ARHGEF10: variants seen among roughly 807,000 people sequenced by gnomAD.
ARHGEF10 encodes Rho guanine nucleotide exchange factor (GEF) 10.
ARHGEF10 carries 140 observed loss-of-function variants against 147.4 expected under a neutral mutation model. That is an observed-to-expected ratio of 0.95 (90% CI 0.83 to 1.09). The LOEUF (loss-of-function observed/expected upper bound fraction) is 1.09, where lower values mean the gene tolerates loss of function less well. Ranked by LOEUF, ARHGEF10 falls within the 50% of genes least tolerant of loss-of-function variation. The pLI, the probability that ARHGEF10 is intolerant of heterozygous loss-of-function variation, is 0.00. For synonymous variants in ARHGEF10, 902 were observed against 695.8 expected, an observed-to-expected ratio of 1.30 and a Z score of -4.67; for missense variants, 2,222 against 1,752.7, an observed-to-expected ratio of 1.27 and a Z score of -4.78.
At chr8:1,906,369 A>G (rs1411855690) in intron 17 of ARHGEF10, among the ~76,000 whole-genome samples, 1 of 152,180 alleles carries the variant, frequency 6.6e-6, no homozygotes, top group African/African-American at 2.4e-5. Flanking sequence ...GAGTTTTGAG[A>G]TCCAGTTGCT....
intron 11 of ARHGEF10, among the ~76,000 whole-genome samples, chr8:1,890,837 G>T (rs531683215): frequency 1.3e-5 from 2 of 152,122 alleles, no homozygotes; most frequent in Non-Finnish European, 2.9e-5. Context: ...CCAAGGGCCT[G>T]TCTGTTGGGT....
At chr8:1,848,622 A>G (rs1330884083) in intron 2 of ARHGEF10, among the ~76,000 whole-genome samples, 1 of 152,244 alleles carries the variant, frequency 6.6e-6, no homozygotes, top group African/African-American at 2.4e-5. Context: ...TTTACAGTTT[A>G]TAATCTAAAT....
chr8:1,878,953 G>A lies in ARHGEF10; in HGVS notation c.844-1095G>A, dbSNP rs910977820. 7.2e-5 allele frequency among the ~76,000 whole-genome samples: 11 copies of A among 152,320 alleles called. No individual in the cohort carries two copies. The South Asian group carries it at 1.4e-3, about 20-fold the overall frequency. ...TGTTGCCAGGACAGTGGCCTGGACC[G>A]GGGGTGGGAATACTGTGTGGGGTGC... On this transcript the variant is annotated intron_variant, in intron 8 of 28. Transcript: ENST00000349830.
chr8:1,845,118 G>T (rs1219385962), intron 2 of ARHGEF10, among the ~76,000 whole-genome samples: 1 of 152,166 alleles, frequency 6.6e-6, no homozygotes, highest in East Asian at 1.9e-4. Context: ...CAGCCTGGGT[G>T]GTGGGACTGA....
rs1242697736 is a variant in ARHGEF10, at chr8:1,925,396, G to C, written c.2602G>C (p.Glu868Gln). 1.9e-6 allele frequency: 3 copies of C among 1,614,106 alleles called. No homozygotes were observed. The highest frequency in any genetic ancestry group is 2.7e-5 in the African/African-American group (2 of 75,050). The change falls in exon 22 of 29, where the codon GAG becomes CAG. Residue 868 changes from glutamate (E) to glutamine (Q), a missense_variant. Transcript: ENST00000349830. ...GCCCGTGATGGTGGCCAAGCAGCAG[G>C]AGTTCAAGGTGAAGGGAGGCAGGGC... ...HMPVMVAKQQ[E>Q]FKIECAAYNP...
chr8:1,888,145 T>TGAG (rs1808886265), intron 11 of ARHGEF10, among the ~76,000 whole-genome samples: 1 of 97,144 alleles, frequency 1.0e-5, no homozygotes, highest in African/African-American at 3.8e-5. Flanking sequence ...GAGGAGACAC[T>TGAG]TAGTGGGGCG....
intron 17 of ARHGEF10, 60 bp downstream of exon 17, chr8:1,905,776 G>T: frequency 6.3e-7 from 1 of 1,597,230 alleles, no homozygotes; most frequent in Non-Finnish European, 8.5e-7. Context: ...TTTGCCTAAG[G>T]GCACATGCAT....
At chr8:1,868,910 T>A (rs1224592601) in intron 6 of ARHGEF10, among the ~76,000 whole-genome samples, 1 of 152,194 alleles carries the variant, frequency 6.6e-6, no homozygotes, top group Non-Finnish European at 1.5e-5. Context: ...CCTAGTGACA[T>A]TTTACAGCTG....
chr8:1,951,260 C>G (rs1446301279), intron 27 of ARHGEF10, among the ~76,000 whole-genome samples: 1 of 152,260 alleles, frequency 6.6e-6, no homozygotes, highest in Non-Finnish European at 1.5e-5. Context: ...TTCGGAGCAG[C>G]TGGGAATCGC....
intron 18 of ARHGEF10, among the ~76,000 whole-genome samples, chr8:1,917,200 G>C (rs922639286): frequency 2.0e-5 from 3 of 152,212 alleles, no homozygotes; most frequent in African/African-American, 7.2e-5. Flanking sequence ...TTAGACTCCT[G>C]ATGCATGTTT....
rs570269102 is a variant in ARHGEF10, at chr8:1,915,870, C to T, written c.2143+6400C>T. The stretch of plus-strand genomic sequence containing the variant: ...AATACTCATTCTCATTCCTAACGGC[C>T]TGTATAGCTGACCTGTGAACTTAGA... On this transcript the variant is annotated intron_variant, in intron 18 of 28. Coordinates refer to ENST00000349830, the MANE Select transcript of ARHGEF10 (RefSeq NM_014629.4). Among the ~76,000 whole-genome samples, 4 of 152,358 alleles carry T rather than the reference C, an allele frequency of 2.6e-5. No individual in the cohort carries two copies. The East Asian group carries it at 5.8e-4, about 22-fold the overall frequency.
At chr8:1,841,836 A>ACGGGAACTGGGTCCGCGG (rs1804064858) in intron 1 of ARHGEF10, among the ~76,000 whole-genome samples, 7 of 74,690 alleles carry the variant, frequency 9.4e-5, no homozygotes, top group African/African-American at 3.2e-4. Flanking sequence ...TGGGGCCGCG[A>ACGGGAACTGGGTCCGCGG]CGGGAACTGG....
intron 26 of ARHGEF10, chr8:1,943,857 G>A (rs939900728): frequency 1.9e-4 from 16 of 84,062 alleles, no homozygotes; most frequent in African/African-American, 7.3e-4. Flanking sequence ...GAAACTACGG[G>A]CATATGGCGA....
chr8:1,888,183 T>TTGCGAGGAGACACTTAGTGGGGC (rs1563233777), intron 11 of ARHGEF10, among the ~76,000 whole-genome samples: 2 of 40,908 alleles, frequency 4.9e-5, no homozygotes, highest in East Asian at 6.5e-4. Flanking sequence ...GTGAGTGGGG[T>TTGCGAGGAGACACTTAGTGGGGC]GAGGGTTTGC....
At chr8:1,886,121 A>G (rs1005863918) in intron 11 of ARHGEF10, among the ~76,000 whole-genome samples, 8 of 152,210 alleles carry the variant, frequency 5.3e-5, no homozygotes, top group African/African-American at 1.9e-4. Flanking sequence ...ATTTTCAGTA[A>G]CTAATTAAAT....
chr8:1,835,068 G>A (rs935037168), intron 1 of ARHGEF10, among the ~76,000 whole-genome samples: 1 of 152,378 alleles, frequency 6.6e-6, no homozygotes, highest in Non-Finnish European at 1.5e-5. Flanking sequence ...GATGGCCCCC[G>A]GCCCGTGTCT....
rs758678206 is a variant in ARHGEF10, at chr8:1,933,844, G to A, written c.3124G>A (p.Val1042Ile). Residue 1042 changes from valine (V) to isoleucine (I), a missense_variant, in exon 26 of 29, where the codon GTC (valine) becomes ATC (isoleucine). By Grantham distance (29) the Val-to-Ile change is conservative. Coordinates refer to ENST00000349830, the MANE Select transcript of ARHGEF10 (RefSeq NM_014629.4). ...SEPQKVIKLG[V>I]LPVRSLLMME... ...ACCTCAAAAAGTGATCAAGTTAGGC[G>A]TCCTACCAGTTAGAAGTCTACTCAT... 32 of 1,614,030 alleles carry A rather than the reference G, an allele frequency of 2.0e-5. No homozygotes were observed. Among genetic ancestry groups the A allele is most frequent in the South Asian group, 4.4e-5 (4 of 91,088 alleles).
chr8:1,918,117 T>C (rs772219269), intron 18 of ARHGEF10, among the ~76,000 whole-genome samples: 1 of 152,184 alleles, frequency 6.6e-6, no homozygotes, highest in Non-Finnish European at 1.5e-5. Context: ...AATTTTGGCC[T>C]GAAAATCAAC....
At chr8:1,842,562 T>A (rs1804176891) in intron 1 of ARHGEF10, among the ~76,000 whole-genome samples, 2 of 152,322 alleles carry the variant, frequency 1.3e-5, no homozygotes, top group South Asian at 2.1e-4. Context: ...CTTTTCCTGA[T>A]GCGGCGAGGG....
Sources: gnomAD v4.1 joint callset for allele counts (sites outside exome capture counted in the v4.1 genomes callset) on GRCh38, gnomAD v4.1.1 for gene constraint, MANE v1.5 for transcripts, NCBI Gene and HGNC (gene_info 2026-07-23, HGNC 2026-07-21) for gene names.